The following PAK2 variants were observed in gnomAD, a reference collection of about 807,000 sequenced individuals.
PAK2 encodes the protein p21 (RAC1) activated kinase 2, also known as serine/threonine-protein kinase PAK 2.
In PAK2, 21 loss-of-function variants were observed where a neutral mutation model predicts 65.9. That is an observed-to-expected ratio of 0.32 (90% confidence interval 0.23 to 0.46). PAK2 has a LOEUF of 0.46. Among genes scored for constraint, PAK2 ranks in the 20% least tolerant of loss-of-function variants. The pLI is 1.00. For synonymous variants in PAK2, 204 were observed against 219.7 expected (o/e 0.93, Z 0.63); for missense variants, 324 against 642.6 (o/e 0.50, Z 5.36).
intron 1 of PAK2, among the ~76,000 whole-genome samples, chr3:196,751,695 A>ATATATATATATATATATAT (rs201718807): frequency 1.5e-5 from 1 of 65,706 alleles, no homozygotes; most frequent in Non-Finnish European, 3.0e-5. Flanking sequence ...ATATATATAT[A>ATATATATATATATATATAT]ATTCAGGCTA....
At chr3:196,746,702 C>T (rs1017655522) in intron 1 of PAK2, among the ~76,000 whole-genome samples, 7 of 151,318 alleles carry the variant, frequency 4.6e-5, no homozygotes, top group African/African-American at 9.7e-5. Flanking sequence ...CCCAGCTACT[C>T]GGGAGGCTGA....
At chr3:196,827,665 A>G (rs920354236) in intron 14 of PAK2, among the ~76,000 whole-genome samples, 2 of 152,134 alleles carry the variant, frequency 1.3e-5, no homozygotes, top group Non-Finnish European at 2.9e-5. Context: ...TGATGAGTTA[A>G]CAGGTGCAGC....
chr3:196,773,845 C>A (rs1185191811), intron 1 of PAK2, among the ~76,000 whole-genome samples: 1 of 152,000 alleles, frequency 6.6e-6, no homozygotes, highest in Admixed American at 6.6e-5. Context: ...GCACTCCAGC[C>A]TGGGCGACAG....
rs1711963884 is a variant in PAK2 at position 196,828,662 on chromosome 3, A to G, written c.*257A>G. Reference sequence around the variant, plus strand: ...CCTTAGGTCTTTCAGCAAACAGCCTATCAGGGCCATTTATCATGTGTGAGA... The same window carrying G: ...CCTTAGGTCTTTCAGCAAACAGCCTGTCAGGGCCATTTATCATGTGTGAGA... On this transcript the variant is annotated 3_prime_UTR_variant, in exon 15 of 15. Transcript: ENST00000327134. 9.6e-6 allele frequency: 4 copies of G among 418,522 alleles called. No homozygotes were observed. The highest frequency in any genetic ancestry group is 1.7e-5 in the Non-Finnish European group (4 of 236,094). 25.9% of individuals were successfully genotyped at this position (418,522 alleles called of 1,614,324 possible).
intron 3 of PAK2, 134 bp from the exon 4 acceptor site, chr3:196,802,883 G>T (rs1577732523): frequency 1.8e-6 from 1 of 543,464 alleles, no homozygotes; most frequent in East Asian, 3.4e-5. Flanking sequence ...TTTAGAAAAT[G>T]AGATCTTTTA....
At chr3:196,778,011 A>T (rs191121318) in intron 1 of PAK2, among the ~76,000 whole-genome samples, 2 of 152,092 alleles carry the variant, frequency 1.3e-5, no homozygotes, top group African/African-American at 2.4e-5. Context: ...CGTCCCCCAG[A>T]GAAACTTGAT....
intron 1 of PAK2, among the ~76,000 whole-genome samples, chr3:196,740,479 C>T (rs1165288277): frequency 6.6e-6 from 1 of 152,206 alleles, no homozygotes; most frequent in Non-Finnish European, 1.5e-5. Flanking sequence ...TCCCTCCCCT[C>T]GCGTTTCACC....
At chr3:196,798,979 G>A (rs1715339898) in intron 2 of PAK2, among the ~76,000 whole-genome samples, 1 of 151,972 alleles carries the variant, frequency 6.6e-6, no homozygotes, top group Non-Finnish European at 1.5e-5. Context: ...TCTTAGATCA[G>A]GAAAAATAAA....
At chr3:196,750,073 G>A (rs187556422) in intron 1 of PAK2, among the ~76,000 whole-genome samples, 75 of 150,244 alleles carry the variant, frequency 5.0e-4, no homozygotes, top group Non-Finnish European at 9.6e-4. Flanking sequence ...TGCAACCTCC[G>A]CCTCCTGGGT....
intron 2 of PAK2, among the ~76,000 whole-genome samples, chr3:196,786,970 G>A (rs2108744725): frequency 6.6e-6 from 1 of 152,028 alleles, no homozygotes; most frequent in East Asian, 1.9e-4. Flanking sequence ...GACTACAGGT[G>A]CACAACACCA....
chr3:196,814,597 T>C, intron 11 of PAK2, 29 bp downstream of exon 11: 1 of 861,852 alleles, frequency 1.2e-6, no homozygotes, highest in South Asian at 1.4e-5. Context: ...TGATATGTTA[T>C]GGTGATATGT....
At chr3:196,748,097 A>G (rs1313640556) in intron 1 of PAK2, among the ~76,000 whole-genome samples, 2 of 151,990 alleles carry the variant, frequency 1.3e-5, no homozygotes, top group Non-Finnish European at 2.9e-5. Context: ...AATAGGTATG[A>G]AATAAGTATG....
chr3:196,775,534 C>T (rs556989783), intron 1 of PAK2, among the ~76,000 whole-genome samples: 1 of 152,050 alleles, frequency 6.6e-6, no homozygotes, highest in Non-Finnish European at 1.5e-5. Context: ...AGGCGCCCAC[C>T]ACCACAACCG....
At position 196,794,759 on chromosome 3, in the gene PAK2, G is replaced by A. The variant is rs553937094; in HGVS notation, c.188-7168G>A. Among the ~76,000 whole-genome samples, 39 of 152,280 alleles carry A rather than the reference G, an allele frequency of 2.6e-4. No individual in the cohort carries two copies. In the South Asian group the frequency reaches 4.6e-3, roughly 18 times the overall value. On this transcript the variant is annotated intron_variant, in intron 2 of 14. Transcript: ENST00000327134. ...GTTCAGCAACACCATGTTGTAGGAG[G>A]TTTATTCCACAGGACCCTTGGCAGG... is the stretch of plus-strand genomic sequence containing the variant.
In PAK2 at chr3:196,740,035, G is replaced by GCCCCGCTTCCCCTTCCCT. The variant is rs1713130997; in HGVS notation, c.-139_-122dup. The GCCCCGCTTCCCCTTCCCT allele has an allele frequency of 2.6e-5, 4 of 151,342 alleles. No homozygotes were observed. Among genetic ancestry groups the GCCCCGCTTCCCCTTCCCT allele is most frequent in the African/African-American group, 4.9e-5 (2 of 41,188 alleles). The allele number at this position is 151,342 out of a possible 1,614,324, so 9.4% of individuals were successfully genotyped here. The stretch of plus-strand genomic sequence containing the variant: ...CTGCTCCAGCGCGGCGTCTCTTCCC[G>GCCCCGCTTCCCCTTCCCT]CCCCGCTTCCCCTTCCCTCCCCTCC... On this transcript the variant is annotated 5_prime_UTR_variant, in exon 1 of 15. Coordinates refer to ENST00000327134, the MANE Select transcript of PAK2 (RefSeq NM_002577.4).
intron 1 of PAK2, among the ~76,000 whole-genome samples, chr3:196,759,511 T>TG (rs1713887505): frequency 2.0e-4 from 10 of 49,624 alleles, no homozygotes; most frequent in South Asian, 5.8e-4. Context: ...TTTTTTTTTT[T>TG]TTTTTTTTTT....
rs369676266 is a variant in PAK2 at position 196,814,580 on chromosome 3, T to G, written c.1053+12T>G. On this transcript the variant is annotated intron_variant, in intron 11 of 14. Transcript: ENST00000327134. ...CTGTATGCAGAGAGGTAGGTTTGCC[T>G]CCTTCTTGATATGTTATGGTGATAT... 5.6e-5 allele frequency: 57 copies of G among 1,025,432 alleles called. No homozygotes were observed. Among genetic ancestry groups the G allele is most frequent in the African/African-American group, 9.5e-5 (6 of 63,402 alleles). The allele number at this position is 1,025,432 out of a possible 1,614,324, so 63.5% of individuals were successfully genotyped here.
intron 1 of PAK2, among the ~76,000 whole-genome samples, chr3:196,758,832 T>A (rs190189436): frequency 1.3e-5 from 2 of 152,064 alleles, no homozygotes; most frequent in African/African-American, 2.4e-5. Flanking sequence ...AATTTTATAT[T>A]TTTTTAGTAG....
rs186312917 is a variant in PAK2, at chr3:196,779,893, A to G, written c.-21-2733A>G. Among the ~76,000 whole-genome samples the G allele has an allele frequency of 1.1e-3, 167 of 152,186 alleles. No individual in the cohort carries two copies. The Middle Eastern group carries it at 0.024, about 22-fold the overall frequency. On this transcript the variant is annotated intron_variant, in intron 1 of 14. Transcript: ENST00000327134. Reference sequence around the variant, plus strand: ...ACCATGTTGCCCAAGTTGGTCTCGAACTCATGACCCCAAGCAATCCGCCCA... The same window carrying G: ...ACCATGTTGCCCAAGTTGGTCTCGAGCTCATGACCCCAAGCAATCCGCCCA...
Sources: gnomAD v4.1 joint callset for allele counts (sites outside exome capture counted in the v4.1 genomes callset) on GRCh38, gnomAD v4.1.1 for gene constraint, MANE v1.5 for transcripts, NCBI Gene and HGNC (gene_info 2026-07-23, HGNC 2026-07-21) for gene names.